The following UBE2O variants were observed in gnomAD, a reference collection of about 807,000 sequenced individuals.
The protein encoded by UBE2O is (E3-independent) E2 ubiquitin-conjugating enzyme.
Under a neutral mutation model 125.8 loss-of-function variants are expected in UBE2O, and 15 were observed. That is an observed-to-expected ratio of 0.12 (90% CI 0.08 to 0.18). The LOEUF (loss-of-function observed/expected upper bound fraction) is 0.18. UBE2O is among the 10% of genes least tolerant of loss of function. The pLI is 1.00. For synonymous variants in UBE2O, 708 were observed against 703.2 expected (o/e 1.01, Z -0.11); for missense variants, 1,280 against 1,723.6 (o/e 0.74, Z 4.56).
chr17:76,418,343 C>T (rs2072650029), intron 1 of UBE2O, among the ~76,000 whole-genome samples: 1 of 152,218 alleles, frequency 6.6e-6, no homozygotes, highest in Non-Finnish European at 1.5e-5. Flanking sequence ...ACAGACTAAA[C>T]TGTACTTGGA....
intron 1 of UBE2O, among the ~76,000 whole-genome samples, chr17:76,413,049 C>T (rs1013974386): frequency 6.6e-6 from 1 of 152,066 alleles, no homozygotes; most frequent in African/African-American, 2.4e-5. Flanking sequence ...AACAAAAAAA[C>T]CCAACTCAGT....
intron 1 of UBE2O, among the ~76,000 whole-genome samples, chr17:76,439,671 G>A (rs1384207966): frequency 6.6e-6 from 1 of 152,172 alleles, no homozygotes; most frequent in Non-Finnish European, 1.5e-5. Context: ...AGTTAAAGGA[G>A]TTCTGAGGCC....
intron 1 of UBE2O, among the ~76,000 whole-genome samples, chr17:76,414,562 A>G (rs1469522662): frequency 1.3e-5 from 2 of 152,204 alleles, no homozygotes; most frequent in Non-Finnish European, 2.9e-5. Flanking sequence ...ACCCTCTCTG[A>G]TCTCACAACG....
chr17:76,404,917 T>C lies in UBE2O; in HGVS notation c.588+289A>G, dbSNP rs2072389835. Reference sequence around the variant, plus strand: ...TAAAAAAATAAACTATTTCCAATAATTTATTTTTTTAAAGAAATGTTAGAG... The same window carrying C: ...TAAAAAAATAAACTATTTCCAATAACTTATTTTTTTAAAGAAATGTTAGAG... On this transcript the variant is annotated intron_variant, in intron 3 of 17. Coordinates refer to ENST00000319380, the MANE Select transcript of UBE2O (RefSeq NM_022066.4). This position sits in a 1 kb window ranked among gnomAD's most constrained non-coding sequence, Gnocchi z 4.3. Among the ~76,000 whole-genome samples, 3 of 152,094 alleles carry C rather than the reference T, an allele frequency of 2.0e-5. No individual in the cohort carries two copies. Among genetic ancestry groups the C allele is most frequent in the Admixed American group, 2.0e-4 (3 of 15,282 alleles).
chr17:76,409,897 G>C (rs886579367), intron 1 of UBE2O, among the ~76,000 whole-genome samples: 4 of 152,186 alleles, frequency 2.6e-5, no homozygotes, highest in African/African-American at 4.8e-5. Flanking sequence ...GTGGTACCAA[G>C]TGCCATGAAG....
At chr17:76,426,618 T>C (rs557587325) in intron 1 of UBE2O, among the ~76,000 whole-genome samples, 1 of 152,336 alleles carries the variant, frequency 6.6e-6, no homozygotes, top group Non-Finnish European at 1.5e-5. Flanking sequence ...AATTGGAACA[T>C]GTCTACTTGA....
chr17:76,391,235 G>C lies in UBE2O; in HGVS notation c.3587C>G (p.Ser1196Cys). The C allele has an allele frequency of 6.2e-7, 1 of 1,613,438 alleles. No individual in the cohort carries two copies. The highest frequency in any genetic ancestry group is 8.5e-7 in the Non-Finnish European group (1 of 1,179,742). ...EDGGPAPGEA[S>C]QGSDSEGGAQ... ...ACCGCCCTCTGAGTCTGAGCCCTGG[G>C]AGGCCTCTCCTGGGGCTGGCCCTCC... The change falls in exon 18 of 18, where the codon TCC (serine) becomes TGC (cysteine). Residue 1196 changes from serine to cysteine, a missense_variant. Coordinates refer to ENST00000319380, the MANE Select transcript of UBE2O (RefSeq NM_022066.4). This position sits in a 1 kb window ranked among gnomAD's most constrained non-coding sequence, Gnocchi z 8.4.
intron 1 of UBE2O, among the ~76,000 whole-genome samples, chr17:76,436,178 C>T (rs1187422061): frequency 2.0e-5 from 3 of 151,982 alleles, no homozygotes; most frequent in East Asian, 3.9e-4. Context: ...ACCCGGGAGG[C>T]GGAGGTTACA....
chr17:76,402,414 A>G lies in UBE2O; in HGVS notation c.686+188T>C, dbSNP rs2072343112. Among the ~76,000 whole-genome samples the G allele has an allele frequency of 6.6e-6, 1 of 152,182 alleles. No individual in the cohort carries two copies. The highest frequency in any genetic ancestry group is 1.5e-5 in the Non-Finnish European group (1 of 68,012). On this transcript the variant is annotated intron_variant, in intron 4 of 17. Coordinates refer to ENST00000319380, the MANE Select transcript of UBE2O (RefSeq NM_022066.4). The surrounding 1 kb of genome is among the most constrained non-coding windows in gnomAD (Gnocchi z 5.4). The stretch of plus-strand genomic sequence containing the variant: ...CCATGCCAGGACAGATCAGAAACTG[A>G]GCAACAGAAATAGGCCACGGCAGAT...
At position 76,396,736 on chromosome 17, in the gene UBE2O, CAT is replaced by C. The variant is rs1259486758; in HGVS notation, c.2199_2200del (p.Trp734GlyfsTer3). ...CTCCCAGCTGTCACTATCATCTTCC[CAT>C]TCATCCGAGGATGCCCCGCTGGTGC... On this transcript the variant is annotated frameshift_variant, in exon 14 of 18. Coordinates refer to ENST00000319380, the MANE Select transcript of UBE2O (RefSeq NM_022066.4). LOFTEE classifies it high-confidence loss of function. This position sits in a 1 kb window ranked among gnomAD's most constrained non-coding sequence, Gnocchi z 6.7. 6.2e-7 allele frequency: 1 copy of C among 1,614,066 alleles called. No individual in the cohort carries two copies. The highest frequency in any genetic ancestry group is 8.5e-7 in the Non-Finnish European group (1 of 1,179,992).
intron 1 of UBE2O, among the ~76,000 whole-genome samples, chr17:76,446,864 T>G (rs902192949): frequency 1.3e-5 from 2 of 152,236 alleles, no homozygotes; most frequent in African/African-American, 4.8e-5. Flanking sequence ...TCATTCAACA[T>G]TGAGGGGCAG....
chr17:76,400,867 T>A lies in UBE2O; in HGVS notation c.894+144A>T. The A allele has an allele frequency of 9.7e-7, 1 of 1,033,130 alleles. No homozygotes were observed. Among genetic ancestry groups the A allele is most frequent in the Non-Finnish European group, 1.4e-6 (1 of 727,538 alleles). 64.0% of individuals were successfully genotyped at this position (1,033,130 alleles called of 1,614,324 possible). On this transcript the variant is annotated intron_variant, in intron 6 of 17. Coordinates refer to ENST00000319380, the MANE Select transcript of UBE2O (RefSeq NM_022066.4). This position sits in a 1 kb window ranked among gnomAD's most constrained non-coding sequence, Gnocchi z 4.3. ...ATGACCAGAGCCTGGGTTCCCTTTATCCCCAAAGCCCTTTGAGATCAACAG... is the reference window on the plus strand; with the variant it reads ...ATGACCAGAGCCTGGGTTCCCTTTAACCCCAAAGCCCTTTGAGATCAACAG...
chr17:76,406,396 G>A (rs1265715658), intron 1 of UBE2O, among the ~76,000 whole-genome samples: 2 of 152,012 alleles, frequency 1.3e-5, no homozygotes. Context: ...GTCCACCTCC[G>A]AGACCCCAAA....
chr17:76,415,296 C>T (rs1359137607), intron 1 of UBE2O, among the ~76,000 whole-genome samples: 1 of 152,204 alleles, frequency 6.6e-6, no homozygotes, highest in Non-Finnish European at 1.5e-5. Context: ...ACTGCCTCTC[C>T]CAACCCTATG....
chr17:76,452,115 T>C lies in UBE2O; in HGVS notation c.417+610A>G, dbSNP rs369147166. Reference sequence around the variant, plus strand: ...AATCCTCCCCCCCAAGTACTATTCATACCGGGGCTCTGATTGCTAATGATT... The same window carrying C: ...AATCCTCCCCCCCAAGTACTATTCACACCGGGGCTCTGATTGCTAATGATT... On this transcript the variant is annotated intron_variant, in intron 1 of 17. Transcript: ENST00000319380. This position sits in a 1 kb window ranked among gnomAD's most constrained non-coding sequence, Gnocchi z 4.4. Among the ~76,000 whole-genome samples, 361 of 152,240 alleles carry C rather than the reference T, an allele frequency of 2.4e-3. 1 individual carries two copies. Among genetic ancestry groups the C allele is most frequent in the Middle Eastern group, 3.4e-3 (1 of 294 alleles).
chr17:76,422,234 A>G (rs926312132), intron 1 of UBE2O, among the ~76,000 whole-genome samples: 2 of 152,136 alleles, frequency 1.3e-5, no homozygotes, highest in African/African-American at 4.8e-5. Context: ...AGTGGTCCTG[A>G]AAGGGAAGAT....
chr17:76,392,995 C>T (rs1012374305), intron 15 of UBE2O, among the ~76,000 whole-genome samples: 3 of 150,810 alleles, frequency 2.0e-5, no homozygotes, highest in Admixed American at 6.6e-5. Flanking sequence ...TGATGGCTCA[C>T]ACCTGTAATC....
intron 1 of UBE2O, among the ~76,000 whole-genome samples, chr17:76,444,795 C>T (rs1036019426): frequency 2.0e-5 from 3 of 152,216 alleles, no homozygotes; most frequent in Admixed American, 6.5e-5. Flanking sequence ...TGTCATCAAC[C>T]TTCAGGGCCC....
intron 1 of UBE2O, among the ~76,000 whole-genome samples, chr17:76,427,850 G>A (rs1257450930): frequency 6.6e-6 from 1 of 152,140 alleles, no homozygotes; most frequent in Non-Finnish European, 1.5e-5. Context: ...CCTTTTACCT[G>A]GGAATGGCTC....
Sources: gnomAD v4.1 joint callset for allele counts (sites outside exome capture counted in the v4.1 genomes callset) on GRCh38, gnomAD v4.1.1 for gene constraint, Gnocchi (gnomAD v3.1) non-coding constraint, MANE v1.5 for transcripts, NCBI Gene and HGNC (gene_info 2026-07-23, HGNC 2026-07-21) for gene names.